Variants in MDGA2 observed in about 807,000 individuals in gnomAD.
MDGA2 encodes MAM domain containing glycosylphosphatidylinositol anchor 2.
Under a neutral mutation model 117.8 loss-of-function variants are expected in MDGA2, and 40 were observed. The observed-to-expected ratio is 0.34, with a 90% CI of 0.26 to 0.44. The LOEUF (loss-of-function observed/expected upper bound fraction) is 0.44. MDGA2 is among the 20% of genes least tolerant of loss of function. The pLI is 1.00. For synonymous variants in MDGA2, 452 were observed against 439.0 expected (o/e 1.03, Z -0.37); for missense variants, 1,123 against 1,250.6 (o/e 0.90, Z 1.54).
chr14:47,282,528 AC>A (rs1448509859), intron 2 of MDGA2, among the ~76,000 whole-genome samples: 1 of 150,236 alleles, frequency 6.7e-6, no homozygotes, highest in African/African-American at 2.4e-5. Context: ...AAATAAACAC[AC>A]ACACACACAC....
chr14:47,575,237 C>T (rs1896094660), intron 1 of MDGA2, among the ~76,000 whole-genome samples: 1 of 152,032 alleles, frequency 6.6e-6, no homozygotes, highest in African/African-American at 2.4e-5. Flanking sequence ...AATTGAAAAA[C>T]AGAAAAAAAT....
intron 8 of MDGA2, among the ~76,000 whole-genome samples, chr14:47,016,066 TA>T (rs932548075): frequency 6.6e-6 from 1 of 152,060 alleles, no homozygotes; most frequent in Non-Finnish European, 1.5e-5. Context: ...CAGGCAAAAA[TA>T]TATTTAAAAA....
chr14:46,994,036 T>C (rs1225822139), intron 8 of MDGA2, among the ~76,000 whole-genome samples: 2 of 152,128 alleles, frequency 1.3e-5, no homozygotes, highest in Non-Finnish European at 2.9e-5. Context: ...ACCATATCAG[T>C]TGACCTGAGT....
At chr14:47,508,564 T>C (rs1467931861) in intron 1 of MDGA2, among the ~76,000 whole-genome samples, 1 of 152,232 alleles carries the variant, frequency 6.6e-6, no homozygotes, top group Non-Finnish European at 1.5e-5. Context: ...TATTTCCATA[T>C]GGATATGAAA....
At chr14:47,660,999 G>C (rs1049006145) in intron 1 of MDGA2, among the ~76,000 whole-genome samples, 1 of 152,070 alleles carries the variant, frequency 6.6e-6, no homozygotes. Context: ...GGTATAAAGT[G>C]CTGACATTAG....
chr14:46,920,566 C>T (rs1019141745), intron 9 of MDGA2, among the ~76,000 whole-genome samples: 4 of 152,130 alleles, frequency 2.6e-5, no homozygotes, highest in Non-Finnish European at 5.9e-5. Flanking sequence ...ATCTTGCTAA[C>T]CATAGGCATG....
At chr14:47,421,617 A>C (rs1226011685) in intron 1 of MDGA2, among the ~76,000 whole-genome samples, 3 of 152,154 alleles carry the variant, frequency 2.0e-5, no homozygotes, top group Admixed American at 2.0e-4. Flanking sequence ...ATAATGTTGC[A>C]TAAATAGAGT....
intron 1 of MDGA2, among the ~76,000 whole-genome samples, chr14:47,441,252 G>A (rs183726731): frequency 5.3e-5 from 8 of 152,128 alleles, no homozygotes; most frequent in Admixed American, 2.0e-4. Flanking sequence ...AGCTGGTCAC[G>A]GAAACCAAGT....
intron 1 of MDGA2, among the ~76,000 whole-genome samples, chr14:47,329,501 AG>A (rs1195481298): frequency 6.6e-6 from 1 of 152,074 alleles, no homozygotes; most frequent in Non-Finnish European, 1.5e-5. Flanking sequence ...ATTCTTCAAA[AG>A]CTTCTCACTT....
intron 1 of MDGA2, among the ~76,000 whole-genome samples, chr14:47,627,726 G>T (rs1001817867): frequency 1.3e-5 from 2 of 152,136 alleles, no homozygotes; most frequent in African/African-American, 2.4e-5. Flanking sequence ...GTGGCAACCC[G>T]CTGGGGTCCC....
intron 2 of MDGA2, among the ~76,000 whole-genome samples, chr14:47,298,828 G>C (rs963174154): frequency 7.9e-5 from 12 of 151,826 alleles, no homozygotes; most frequent in African/African-American, 2.9e-4. Context: ...GGGACTACAG[G>C]CACCCGCGAC....
At chr14:47,484,409 G>A (rs1313376115) in intron 1 of MDGA2, among the ~76,000 whole-genome samples, 1 of 152,160 alleles carries the variant, frequency 6.6e-6, no homozygotes, top group African/African-American at 2.4e-5. Context: ...TAATTGAAAT[G>A]AATAATTGCT....
At chr14:47,483,759 C>T (rs1454771778) in intron 1 of MDGA2, among the ~76,000 whole-genome samples, 2 of 152,174 alleles carry the variant, frequency 1.3e-5, no homozygotes, top group Non-Finnish European at 2.9e-5. Flanking sequence ...TGGCAAATCT[C>T]AGCAGGCAGT....
intron 2 of MDGA2, among the ~76,000 whole-genome samples, chr14:47,262,822 T>C (rs1216269440): frequency 6.6e-6 from 1 of 152,178 alleles, no homozygotes; most frequent in Non-Finnish European, 1.5e-5. Flanking sequence ...GTGAATCCTA[T>C]ATCTATCTCT....
At chr14:47,211,684 T>C (rs1277770517) in intron 3 of MDGA2, among the ~76,000 whole-genome samples, 6 of 152,158 alleles carry the variant, frequency 3.9e-5, no homozygotes, top group Non-Finnish European at 8.8e-5. Context: ...ACAAACACTC[T>C]TGAAAAAAGG....
At chr14:47,294,036 C>T (rs2139785141) in intron 2 of MDGA2, among the ~76,000 whole-genome samples, 1 of 151,832 alleles carries the variant, frequency 6.6e-6, no homozygotes, top group Non-Finnish European at 1.5e-5. Flanking sequence ...ATGTACATCA[C>T]CTGGAGATGG....
intron 3 of MDGA2, among the ~76,000 whole-genome samples, chr14:47,170,804 A>T (rs1594690270): frequency 6.6e-6 from 1 of 152,268 alleles, no homozygotes; most frequent in African/African-American, 2.4e-5. Context: ...TAATTTCAAA[A>T]CCAATTTTGA....
rs143164860 is a variant in MDGA2 at position 46,995,319 on chromosome 14, T to C, written c.1820-37676A>G. Among the ~76,000 whole-genome samples the C allele has an allele frequency of 1.8e-4, 27 of 152,232 alleles. No individual in the cohort carries two copies. In the East Asian group the frequency reaches 4.8e-3, roughly 27 times the overall value. ...CAAATTGATAGACTGGGCAGAATCC[T>C]GAGTTTCTGCATTTTAACAAGCTCC... is the stretch of plus-strand genomic sequence containing the variant. On this transcript the variant is annotated intron_variant, in intron 8 of 16. Transcript: ENST00000399232.
intron 1 of MDGA2, among the ~76,000 whole-genome samples, chr14:47,313,435 G>T (rs902865550): frequency 6.6e-6 from 1 of 151,872 alleles, no homozygotes; most frequent in Non-Finnish European, 1.5e-5. Context: ...ACTATGACTG[G>T]CTAATTTCTT....
Sources: gnomAD v4.1 joint callset for allele counts (sites outside exome capture counted in the v4.1 genomes callset) on GRCh38, gnomAD v4.1.1 for gene constraint, MANE v1.5 for transcripts, NCBI Gene and HGNC (gene_info 2026-07-23, HGNC 2026-07-21) for gene names.